The following MARCHF8 variants were observed in gnomAD, a reference collection of about 807,000 sequenced individuals.
The protein encoded by MARCHF8 is E3 ubiquitin-protein ligase MARCHF8.
A neutral mutation model predicts 51.6 loss-of-function variants in MARCHF8; 40 were observed. The observed-to-expected ratio is 0.77, with a 90% CI of 0.60 to 1.01. The LOEUF is 1.01. Among genes scored for constraint, MARCHF8 ranks in the 50% least tolerant of loss-of-function variants. The probability of loss-of-function intolerance (pLI) is 0.00; values close to 1 mark genes in which losing one functional copy is unlikely to be tolerated. For synonymous variants in MARCHF8, 263 were observed against 280.3 expected (o/e 0.94, Z 0.62); for missense variants, 685 against 708.6 (o/e 0.97, Z 0.38).
intron 1 of MARCHF8, among the ~76,000 whole-genome samples, chr10:45,568,715 C>CAAAAAA (rs71023130): frequency 9.1e-4 from 69 of 75,572 alleles, no homozygotes; most frequent in African/African-American, 3.4e-3. Context: ...GAGACTGTTT[C>CAAAAAA]AAAAAAAAAA....
At chr10:45,504,187 T>G (rs1254234779) in intron 2 of MARCHF8, among the ~76,000 whole-genome samples, 1 of 152,250 alleles carries the variant, frequency 6.6e-6, no homozygotes, top group Non-Finnish European at 1.5e-5. Context: ...GGCTCACGCC[T>G]ATAATGCCAG....
At chr10:45,584,126 CATATATATATATATATATATATATATAT>C (rs55978063) in intron 1 of MARCHF8, among the ~76,000 whole-genome samples, 11 of 85,358 alleles carry the variant, frequency 1.3e-4, no homozygotes, top group East Asian at 4.5e-4. Flanking sequence ...TATATACAAT[CATATATATATATATATATATATATATAT>C]ATATATATAT....
upstream of MARCHF8, among the ~76,000 whole-genome samples, chr10:45,540,214 T>A (rs1384545516): frequency 6.6e-6 from 1 of 152,124 alleles, no homozygotes; most frequent in Admixed American, 6.5e-5. Flanking sequence ...AAAGTTCATA[T>A]GGAACCAAAA....
intron 1 of MARCHF8, among the ~76,000 whole-genome samples, chr10:45,585,670 A>C (rs913679529): frequency 1.3e-5 from 2 of 152,228 alleles, no homozygotes; most frequent in African/African-American, 4.8e-5. Context: ...AAAGTAATGT[A>C]GATTGTTCCT....
rs780049782 is a variant in MARCHF8, at chr10:45,458,282, C to G, written c.1679G>C (p.Cys560Ser). The change falls in exon 8 of 8, where the codon TGC becomes TCC. Residue 560 changes from cysteine to serine, a missense_variant. Transcript: ENST00000453424. ...ICHSDTNSSC[C>S]TEPEDTGAEI... ...TGCTCCAGTGTCTTCAGGCTCTGTGCAACAAGAAGAGTTTGTGTCGGAATG... is the reference window on the plus strand; with the variant it reads ...TGCTCCAGTGTCTTCAGGCTCTGTGGAACAAGAAGAGTTTGTGTCGGAATG... 1.2e-5 allele frequency: 20 copies of G among 1,613,722 alleles called. No individual in the cohort carries two copies. In the South Asian group the frequency reaches 2.2e-4, roughly 18 times the overall value.
chr10:45,514,437 ACAG>A (rs1388867019), intron 2 of MARCHF8, among the ~76,000 whole-genome samples: 1 of 152,268 alleles, frequency 6.6e-6, no homozygotes, highest in Non-Finnish European at 1.5e-5. Flanking sequence ...CGCTGCCTGC[ACAG>A]CAGCTGCCAC....
Position 45,542,220 on chromosome 10 carries a change from C to T in MARCHF8, c.-78-8931G>A, listed in dbSNP as rs144324793. ...ATTAGCCGGGGCATGGTGGCGGGCA[C>T]CTGTAGTCCCCAGCTACTTGGTAGG... On this transcript the variant is annotated intron_variant, in intron 1 of 6. Coordinates refer to the MARCHF8 transcript ENST00000319836. 3.4e-4 allele frequency among the ~76,000 whole-genome samples: 51 copies of T among 151,816 alleles called. No homozygotes were observed. The East Asian group carries it at 9.1e-3, about 27-fold the overall frequency.
chr10:45,522,222 G>T (rs375105284), intron 2 of MARCHF8, among the ~76,000 whole-genome samples: 8 of 152,242 alleles, frequency 5.3e-5, no homozygotes, highest in African/African-American at 1.9e-4. Flanking sequence ...AAAGATGCTA[G>T]CCTTGTGACT....
intron 3 of MARCHF8, among the ~76,000 whole-genome samples, chr10:45,478,254 G>A (rs2133028292): frequency 6.6e-6 from 1 of 152,222 alleles, no homozygotes; most frequent in Admixed American, 6.5e-5. Context: ...ACTAGAAACT[G>A]TACAATTACA....
chr10:45,501,125 C>T (rs564268213), intron 2 of MARCHF8, among the ~76,000 whole-genome samples: 169 of 148,466 alleles, frequency 1.1e-3, no homozygotes, highest in African/African-American at 4.0e-3. Flanking sequence ...AACATAATTC[C>T]TATCAAAATT....
chr10:45,457,430 A>T lies in MARCHF8; in HGVS notation c.*809T>A, dbSNP rs796247090. The T allele has an allele frequency of 2.4e-4, 37 of 151,566 alleles. 1 individual carries two copies. The highest frequency in any genetic ancestry group is 3.9e-4 in the East Asian group (2 of 5,146). The allele number at this position is 151,566 out of a possible 1,614,324, so 9.4% of individuals were successfully genotyped here. A position where few individuals can be genotyped will look rare whatever the true frequency, so the allele number is the denominator to read the frequency against. Reference sequence around the variant, plus strand: ...ACTAATTCCCATGAGATCTGTGATTAAAAAAAAAGCCTCTGGCCTGCTTGT... The same window carrying T: ...ACTAATTCCCATGAGATCTGTGATTTAAAAAAAAGCCTCTGGCCTGCTTGT... On this transcript the variant is annotated 3_prime_UTR_variant, in exon 8 of 8. Coordinates refer to ENST00000453424, the MANE Select transcript of MARCHF8 (RefSeq NM_001282866.2).
chr10:45,584,566 T>C (rs1196505376), intron 1 of MARCHF8, among the ~76,000 whole-genome samples: 2 of 152,126 alleles, frequency 1.3e-5, no homozygotes, highest in African/African-American at 2.4e-5. Context: ...ACCACCACTA[T>C]GGAAAACAAC....
At chr10:45,536,059 T>C, upstream of MARCHF8, among the ~76,000 whole-genome samples, 1 of 152,166 alleles carries the variant, frequency 6.6e-6, no homozygotes, top group East Asian at 1.9e-4. Flanking sequence ...GACAAGCTGA[T>C]CTGAAAATTT....
At position 45,495,469 on chromosome 10, in the gene MARCHF8, C is replaced by T. The variant is rs116929075; in HGVS notation, c.103-6052G>A. Among the ~76,000 whole-genome samples, 9 of 152,202 alleles carry T rather than the reference C, an allele frequency of 5.9e-5. No homozygotes were observed. In the East Asian group the frequency reaches 1.5e-3, roughly 26 times the overall value. ...GGACCCATTCAAAACTCAGAGTTGA[C>T]ATAATCATGATTTTAAGCTGAAGAC... On this transcript the variant is annotated intron_variant, in intron 2 of 7. Transcript: ENST00000453424.
At chr10:45,579,016 T>C (rs931878936) in intron 1 of MARCHF8, among the ~76,000 whole-genome samples, 1 of 152,232 alleles carries the variant, frequency 6.6e-6, no homozygotes, top group Admixed American at 6.5e-5. Context: ...AAGGACATTA[T>C]AGGGACAACT....
Position 45,458,089 on chromosome 10 carries a change from C to T in MARCHF8, c.*150G>A. On this transcript the variant is annotated 3_prime_UTR_variant, in exon 8 of 8. Coordinates refer to ENST00000453424, the MANE Select transcript of MARCHF8 (RefSeq NM_001282866.2). The stretch of plus-strand genomic sequence containing the variant: ...GCCCACAGGAAGGTTTTCTAGGAGA[C>T]TAAGGAGGGTTTAGAAAAAGAGAAG... 1.2e-6 allele frequency: 1 copy of T among 846,494 alleles called. No homozygotes were observed. The highest frequency in any genetic ancestry group is 1.8e-6 in the Non-Finnish European group (1 of 570,388). 52.4% of individuals were successfully genotyped at this position (846,494 alleles called of 1,614,324 possible).
At chr10:45,481,580 T>A (rs1310916992) in intron 3 of MARCHF8, among the ~76,000 whole-genome samples, 2 of 152,236 alleles carry the variant, frequency 1.3e-5, no homozygotes, top group Non-Finnish European at 2.9e-5. Context: ...GATGGTTTTA[T>A]AAGGGGAAAC....
chr10:45,465,836 A>C (rs1335723419), intron 3 of MARCHF8, among the ~76,000 whole-genome samples: 3 of 152,262 alleles, frequency 2.0e-5, no homozygotes, highest in Non-Finnish European at 4.4e-5. Flanking sequence ...GCATATGGGC[A>C]TGAGGTACAC....
intron 3 of MARCHF8, among the ~76,000 whole-genome samples, chr10:45,484,133 A>G (rs1253450701): frequency 6.6e-6 from 1 of 152,236 alleles, no homozygotes; most frequent in African/African-American, 2.4e-5. Context: ...TGATCATTAC[A>G]TAGTCTATGC....
Sources: gnomAD v4.1 joint callset for allele counts (sites outside exome capture counted in the v4.1 genomes callset) on GRCh38, gnomAD v4.1.1 for gene constraint, MANE v1.5 for transcripts, NCBI Gene and HGNC (gene_info 2026-07-23, HGNC 2026-07-21) for gene names.